Variants in CDH13 observed in about 807,000 individuals in gnomAD.
CDH13 encodes cadherin 13, also known as cadherin-13.
A neutral mutation model predicts 63.8 loss-of-function variants in CDH13; 24 were observed. The observed-to-expected ratio is 0.38, with a 90% CI of 0.27 to 0.53. The LOEUF (loss-of-function observed/expected upper bound fraction) is 0.53, where lower values mean the gene tolerates loss of function less well. Ranked by LOEUF, CDH13 falls within the 20% of genes least tolerant of loss-of-function variation. The pLI is 0.85. For missense variants in CDH13, 1,049 were observed against 903.1 expected, an observed-to-expected ratio of 1.16 and a Z score of -2.07; for synonymous variants, 503 against 355.3, an observed-to-expected ratio of 1.42 and a Z score of -4.67.
At chr16:83,053,094 G>T (rs1200219819) in intron 3 of CDH13, among the ~76,000 whole-genome samples, 1 of 152,146 alleles carries the variant, frequency 6.6e-6, no homozygotes, top group African/African-American at 2.4e-5. Flanking sequence ...TTAAATTAGA[G>T]TTGAATGAGA....
intron 2 of CDH13, among the ~76,000 whole-genome samples, chr16:82,891,652 T>G (rs892824864): frequency 4.6e-5 from 7 of 152,196 alleles, no homozygotes; most frequent in Admixed American, 4.6e-4. Flanking sequence ...GAGCTGTCTG[T>G]ATTGCGGCTG....
At chr16:82,973,351 C>G (rs1446081423) in intron 2 of CDH13, among the ~76,000 whole-genome samples, 2 of 152,208 alleles carry the variant, frequency 1.3e-5, no homozygotes, top group Non-Finnish European at 2.9e-5. Context: ...CTGTTCCAAA[C>G]ATAGCTTTAA....
intron 4 of CDH13, among the ~76,000 whole-genome samples, chr16:83,157,590 C>A (rs1033225664): frequency 1.3e-4 from 20 of 152,092 alleles, no homozygotes; most frequent in African/African-American, 4.8e-4. Context: ...ACCACATTGC[C>A]TAAGCAGTAA....
At chr16:83,452,182 T>G (rs1357394247) in intron 6 of CDH13, among the ~76,000 whole-genome samples, 1 of 152,232 alleles carries the variant, frequency 6.6e-6, no homozygotes, top group East Asian at 1.9e-4. Context: ...GGAAATATTT[T>G]CATAAAAATT....
chr16:82,899,935 G>T (rs1471266137), intron 2 of CDH13, among the ~76,000 whole-genome samples: 1 of 152,188 alleles, frequency 6.6e-6, no homozygotes. Flanking sequence ...GGGCAGAGCA[G>T]TTGCCAGTTT....
intron 8 of CDH13, among the ~76,000 whole-genome samples, chr16:83,660,114 C>T (rs2150836093): frequency 6.6e-6 from 1 of 152,250 alleles, no homozygotes; most frequent in East Asian, 1.9e-4. Flanking sequence ...GCACCAGGAA[C>T]TGGTTTTGTG....
At chr16:83,172,106 C>T (rs758492346) in intron 4 of CDH13, among the ~76,000 whole-genome samples, 1 of 152,012 alleles carries the variant, frequency 6.6e-6, no homozygotes, top group African/African-American at 2.4e-5. Flanking sequence ...AAACTGAGGT[C>T]ATTTGAGTAG....
chr16:83,620,115 G>A (rs555108423), intron 8 of CDH13, among the ~76,000 whole-genome samples: 16 of 152,194 alleles, frequency 1.1e-4, no homozygotes, highest in South Asian at 2.1e-4. Context: ...GAGGGGGGCC[G>A]GGCTCAGTGG....
chr16:83,200,260 A>C (rs1002304309), intron 4 of CDH13, among the ~76,000 whole-genome samples: 2 of 152,122 alleles, frequency 1.3e-5, no homozygotes, highest in Non-Finnish European at 2.9e-5. Context: ...CCGTCGGCCA[A>C]GTTTTCAACC....
intron 1 of CDH13, among the ~76,000 whole-genome samples, chr16:82,662,870 G>C (rs1214734785): frequency 6.7e-6 from 1 of 148,516 alleles, no homozygotes; most frequent in African/African-American, 2.4e-5. Context: ...GTGTGTGCTT[G>C]CGTGGGCATG....
chr16:83,185,863 T>G (rs181257221), intron 4 of CDH13, among the ~76,000 whole-genome samples: 3 of 152,330 alleles, frequency 2.0e-5, no homozygotes, highest in Admixed American at 2.0e-4. Flanking sequence ...TTTTTACTGA[T>G]TGCCTGCCCA....
chr16:83,093,234 A>G lies in CDH13; in HGVS notation c.367-32151A>G, dbSNP rs60094724. Among the ~76,000 whole-genome samples the G allele has an allele frequency of 6.9e-3, 961 of 139,056 alleles. 14 individuals are homozygous for G. The highest frequency in any genetic ancestry group is 0.025 in the African/African-American group (932 of 37,406). The allele number at this position is 139,056 out of a possible 152,430, so 91.2% of individuals were successfully genotyped here. On this transcript the variant is annotated intron_variant, in intron 3 of 13. Coordinates refer to ENST00000567109, the MANE Select transcript of CDH13 (RefSeq NM_001257.5). ...TTACATTATTGAAATAATTGACTCT[A>G]TCAGGTGGATTTCTCCAGTTGAACA...
intron 1 of CDH13, among the ~76,000 whole-genome samples, chr16:82,770,420 T>C (rs983204603): frequency 1.3e-5 from 2 of 152,224 alleles, no homozygotes; most frequent in African/African-American, 4.8e-5. Context: ...CTTGACCGTT[T>C]AGTTATTTAG....
At chr16:83,511,685 A>G (rs1157183369) in intron 7 of CDH13, among the ~76,000 whole-genome samples, 1 of 152,224 alleles carries the variant, frequency 6.6e-6, no homozygotes, top group Non-Finnish European at 1.5e-5. Context: ...GTAAGATAGT[A>G]AGAAGAAGAA....
At chr16:83,764,688 C>T (rs11648803) in intron 11 of CDH13, among the ~76,000 whole-genome samples, 4,524 of 110,408 alleles carry the variant, frequency 0.041, 108 homozygotes, top group East Asian at 0.097. Flanking sequence ...GCCCTTGCCA[C>T]GGCTGCTCAG....
intron 5 of CDH13, among the ~76,000 whole-genome samples, chr16:83,282,390 G>C (rs1245618273): frequency 6.6e-6 from 1 of 152,184 alleles, no homozygotes; most frequent in African/African-American, 2.4e-5. Flanking sequence ...CACAATAGCT[G>C]AAAAGTAGAA....
At chr16:83,229,870 C>G (rs911238833) in intron 5 of CDH13, among the ~76,000 whole-genome samples, 3 of 152,202 alleles carry the variant, frequency 2.0e-5, no homozygotes, top group East Asian at 1.9e-4. Context: ...AGACCAAACA[C>G]TCTGAAGCTG....
chr16:83,612,308 G>A (rs556345285), intron 8 of CDH13, among the ~76,000 whole-genome samples: 6 of 151,796 alleles, frequency 4.0e-5, no homozygotes, highest in South Asian at 2.1e-4. Context: ...ATCTCATCTC[G>A]TATTAGAATA....
chr16:82,925,984 A>G (rs2042292149), intron 2 of CDH13: 1 of 152,218 alleles, frequency 6.6e-6, no homozygotes, highest in African/African-American at 2.4e-5. Flanking sequence ...AGAGCCTCTG[A>G]TCAACACAGG....
Sources: allele counts gnomAD v4.1 joint callset (sites outside exome capture counted in the v4.1 genomes callset), GRCh38; gene constraint gnomAD v4.1.1; transcripts MANE v1.5; gene names NCBI Gene and HGNC (gene_info 2026-07-23, HGNC 2026-07-21).